GRIN2B: variants seen among roughly 807,000 people sequenced by gnomAD.
GRIN2B encodes the protein glutamate receptor ionotropic, NMDA 2B.
GRIN2B carries 5 observed loss-of-function variants against 114.5 expected under a neutral mutation model. The ratio of observed to expected loss-of-function variants is 0.04; its 90% CI spans 0.02 to 0.09. GRIN2B has a LOEUF of 0.09. Ranked by LOEUF, GRIN2B falls within the 10% of genes least tolerant of loss-of-function variation. GRIN2B has a pLI of 1.00. For synonymous variants in GRIN2B, 787 were observed against 745.1 expected (o/e 1.06, Z -0.92); for missense variants, 1,108 against 1,943.5 (o/e 0.57, Z 8.08).
intron 12 of GRIN2B, among the ~76,000 whole-genome samples, chr12:13,568,710 CCAA>C (rs1173991581): frequency 6.6e-6 from 1 of 152,190 alleles, no homozygotes; most frequent in Non-Finnish European, 1.5e-5. Flanking sequence ...GCTGGTGAAG[CCAA>C]CAAGGGTCTG....
At chr12:13,774,456 A>G (rs140922811) in intron 3 of GRIN2B, among the ~76,000 whole-genome samples, 1 of 152,222 alleles carries the variant, frequency 6.6e-6, no homozygotes, top group Non-Finnish European at 1.5e-5. Flanking sequence ...GCAACTAGGA[A>G]TAATATGAAT....
At chr12:13,969,887 A>G (rs749657229) in intron 2 of GRIN2B, among the ~76,000 whole-genome samples, 1 of 152,186 alleles carries the variant, frequency 6.6e-6, no homozygotes, top group Non-Finnish European at 1.5e-5. Flanking sequence ...CATTTATTCC[A>G]GACAGTCCAG....
chr12:13,630,115 A>C (rs1269455432), intron 5 of GRIN2B, among the ~76,000 whole-genome samples: 2 of 152,222 alleles, frequency 1.3e-5, no homozygotes, highest in Admixed American at 1.3e-4. Context: ...CATAAGGAAG[A>C]TTACCACGGT....
intron 5 of GRIN2B, among the ~76,000 whole-genome samples, chr12:13,665,001 G>A (rs950768204): frequency 2.6e-5 from 4 of 152,078 alleles, no homozygotes; most frequent in East Asian, 1.9e-4. Flanking sequence ...CTATTTCCTC[G>A]AAAATCCCTT....
rs778209882 is a variant in GRIN2B, at chr12:13,675,850, G to A, written c.1020C>T (p.Ile340=). Residue 340 remains isoleucine (I), a synonymous_variant, in exon 5 of 14, where the codon ATC becomes ATT. Transcript: ENST00000609686. The part of the protein sequence containing the change: ...YQSNMLNRYL[I]NVTFEGRNLS... Reference sequence around the variant, plus strand: ...AATTCCTCCCCTCAAAAGTGACATTGATCAGATACCTGTAAAGATAAAATA... The same window carrying A: ...AATTCCTCCCCTCAAAAGTGACATTAATCAGATACCTGTAAAGATAAAATA... The A allele has an allele frequency of 1.7e-5, 27 of 1,557,744 alleles. No homozygotes were observed. In the Admixed American group the frequency reaches 4.5e-4, roughly 26 times the overall value.
chr12:13,917,264 G>A (rs1182953151), intron 2 of GRIN2B, among the ~76,000 whole-genome samples: 1 of 152,098 alleles, frequency 6.6e-6, no homozygotes, highest in East Asian at 1.9e-4. Flanking sequence ...AATCAAAACT[G>A]CTTATTTTAC....
chr12:13,745,196 C>T (rs985931109), intron 4 of GRIN2B, among the ~76,000 whole-genome samples: 1 of 152,172 alleles, frequency 6.6e-6, no homozygotes, highest in Non-Finnish European at 1.5e-5. Flanking sequence ...CCAGCCCTCA[C>T]TCAGGCTTCC....
At chr12:13,643,849 G>C (rs184541823) in intron 5 of GRIN2B, among the ~76,000 whole-genome samples, 197 of 152,160 alleles carry the variant, frequency 1.3e-3, no homozygotes, top group Middle Eastern at 3.4e-3. Flanking sequence ...ATTTCCTCAA[G>C]TTTTATCATG....
In GRIN2B at chr12:13,706,408, A is replaced by T. The variant is rs1378151842; in HGVS notation, c.1011-30549T>A. Reference sequence around the variant, plus strand: ...AGTGGGAGACTAAATGGTTAGAAATAAAATAAAGTATCTTCCAGCAACCTA... The same window carrying T: ...AGTGGGAGACTAAATGGTTAGAAATTAAATAAAGTATCTTCCAGCAACCTA... On this transcript the variant is annotated intron_variant, in intron 4 of 13. Transcript: ENST00000609686. 5.3e-5 allele frequency among the ~76,000 whole-genome samples: 8 copies of T among 152,316 alleles called. No individual in the cohort carries two copies. The East Asian group carries it at 1.4e-3, about 26-fold the overall frequency.
intron 2 of GRIN2B, among the ~76,000 whole-genome samples, chr12:13,879,685 G>C (rs1006259433): frequency 5.9e-5 from 9 of 152,192 alleles, no homozygotes; most frequent in African/African-American, 2.2e-4. Context: ...TATCAGGCCT[G>C]AGTGACCATG....
Position 13,562,541 on chromosome 12 carries a change from T to G in GRIN2B, c.*242A>C, listed in dbSNP as rs199886565. On this transcript the variant is annotated 3_prime_UTR_variant, in exon 14 of 14. Coordinates refer to ENST00000609686, the MANE Select transcript of GRIN2B (RefSeq NM_000834.5). ...TGAGAGGGCCCATGGCATCATCTCA[T>G]GGGAACAGGAATGGCTGACAGCGGG... 11 of 543,592 alleles carry G rather than the reference T, an allele frequency of 2.0e-5. No homozygotes were observed. In the African/African-American group the frequency reaches 2.1e-4, roughly 10 times the overall value. 33.7% of individuals were successfully genotyped at this position (543,592 alleles called of 1,614,324 possible).
intron 2 of GRIN2B, among the ~76,000 whole-genome samples, chr12:13,882,327 TTGTC>T (rs892312425): frequency 6.6e-6 from 1 of 152,150 alleles, no homozygotes; most frequent in Non-Finnish European, 1.5e-5. Flanking sequence ...TCTCTGGAAT[TTGTC>T]TGGATAAACG....
chr12:13,777,424 A>C (rs1864024859), intron 3 of GRIN2B, among the ~76,000 whole-genome samples: 1 of 152,206 alleles, frequency 6.6e-6, no homozygotes, highest in Non-Finnish European at 1.5e-5. Context: ...AGGAATCTGC[A>C]GGAAAGGCAA....
At chr12:13,611,341 C>T (rs1236032007) in intron 9 of GRIN2B, among the ~76,000 whole-genome samples, 2 of 152,200 alleles carry the variant, frequency 1.3e-5, no homozygotes, top group African/African-American at 4.8e-5. Context: ...CAATCCATTT[C>T]TTCTTGTTCT....
At chr12:13,787,981 C>T (rs1481286995) in intron 3 of GRIN2B, among the ~76,000 whole-genome samples, 1 of 152,168 alleles carries the variant, frequency 6.6e-6, no homozygotes, top group Non-Finnish European at 1.5e-5. Flanking sequence ...TTCATAGCAG[C>T]CCCACGCCTC....
chr12:13,675,614 T>G (rs903633348), intron 5 of GRIN2B, 131 bp downstream of exon 5: 3 of 717,944 alleles, frequency 4.2e-6, no homozygotes, highest in Non-Finnish European at 7.8e-6. Context: ...GCTTCTCCTG[T>G]GTATCAAGGT....
intron 4 of GRIN2B, among the ~76,000 whole-genome samples, chr12:13,733,764 C>T (rs1304375232): frequency 6.6e-6 from 1 of 152,118 alleles, no homozygotes; most frequent in African/African-American, 2.4e-5. Context: ...TGGAAAGAAA[C>T]ATAGAAGTTC....
chr12:13,756,231 G>A (rs1863574180), intron 3 of GRIN2B, among the ~76,000 whole-genome samples: 2 of 151,998 alleles, frequency 1.3e-5, no homozygotes, highest in African/African-American at 4.8e-5. Flanking sequence ...GGCCAGGCTG[G>A]TCTTGAACTC....
chr12:13,791,165 T>C (rs1046816191), intron 3 of GRIN2B, among the ~76,000 whole-genome samples: 4 of 152,086 alleles, frequency 2.6e-5, no homozygotes, highest in Non-Finnish European at 2.9e-5. Flanking sequence ...GACAGCAGGG[T>C]TAACATTCCA....
Sources: gnomAD v4.1 joint callset for allele counts (sites outside exome capture counted in the v4.1 genomes callset) on GRCh38, gnomAD v4.1.1 for gene constraint, MANE v1.5 for transcripts, NCBI Gene and HGNC (gene_info 2026-07-23, HGNC 2026-07-21) for gene names.